The following APAF1 variants were observed in gnomAD, a reference collection of about 807,000 sequenced individuals.
APAF1 encodes the protein apoptotic peptidase activating factor 1, also known as apoptotic protease-activating factor 1.
APAF1 carries 91 observed loss-of-function variants against 152.4 expected under a neutral mutation model. The observed-to-expected ratio is 0.60, with a 90% CI of 0.50 to 0.71. The LOEUF (loss-of-function observed/expected upper bound fraction) is 0.71. Among genes scored for constraint, APAF1 ranks in the 30% least tolerant of loss-of-function variants. The pLI, the probability that APAF1 is intolerant of heterozygous loss-of-function variation, is 0.00. For synonymous variants in APAF1, 484 were observed against 494.1 expected, an observed-to-expected ratio of 0.98 and a Z score of 0.27; for missense variants, 1,283 against 1,472.0, an observed-to-expected ratio of 0.87 and a Z score of 2.10.
At position 98,712,382 on chromosome 12, in the gene APAF1, T is replaced by A; in HGVS notation, c.2905T>A (p.Leu969Ile). ...LTEAQVSCCCLSPHLQYIAFG... is the reference protein window; with the variant it reads ...LTEAQVSCCCISPHLQYIAFG... ...TGAAGCTCAAGTTAGCTGCTGTTGC[T>A]TAAGTCCACATCTTCAGTACATTGC... Residue 969 changes from leucine (L) to isoleucine (I), a missense_variant, in exon 21 of 27, where the codon TTA (leucine) becomes ATA (isoleucine). By Grantham distance (5) the Leu-to-Ile change is conservative. Transcript: ENST00000551964. The A allele has an allele frequency of 6.2e-7, 1 of 1,613,662 alleles. No individual in the cohort carries two copies. The highest frequency in any genetic ancestry group is 8.5e-7 in the Non-Finnish European group (1 of 1,179,630).
intron 9 of APAF1, 118 bp from the exon 10 acceptor site, chr12:98,667,395 C>T (rs1203780017): frequency 2.1e-5 from 26 of 1,240,308 alleles, no homozygotes; most frequent in African/African-American, 7.4e-5. Flanking sequence ...GGATTACAGG[C>T]GTGAGCCACC....
At position 98,671,100 on chromosome 12, in the gene APAF1, C is replaced by A; in HGVS notation, c.1608+14C>A. On this transcript the variant is annotated intron_variant, in intron 11 of 26. Transcript: ENST00000551964. ...CTAGATGAAAAGGTATATATATTAA[C>A]ATGAAAAATTAGTGCTAAAAAGGAA... 1 of 1,464,228 alleles carries A rather than the reference C, an allele frequency of 6.8e-7. No homozygotes were observed. Among genetic ancestry groups the A allele is most frequent in the Non-Finnish European group, 9.5e-7 (1 of 1,047,850 alleles). The allele number at this position is 1,464,228 out of a possible 1,614,324, so 90.7% of individuals were successfully genotyped here.
chr12:98,702,300 C>T lies in APAF1; in HGVS notation c.2467-1071C>T, dbSNP rs569469304. ...CAGGATGGTCTCGATCTCCTGACCT[C>T]GTGATCCACCTGCCTTGGCCTCGCA... On this transcript the variant is annotated intron_variant, in intron 17 of 26. Coordinates refer to ENST00000551964, the MANE Select transcript of APAF1 (RefSeq NM_181861.2). Among the ~76,000 whole-genome samples, 95 of 151,996 alleles carry T rather than the reference C, an allele frequency of 6.3e-4. 1 individual carries two copies. The highest frequency in any genetic ancestry group is 4.6e-4 in the Admixed American group (7 of 15,262).
intron 15 of APAF1, 40 bp downstream of exon 15, chr12:98,683,314 T>G (rs2097694460): frequency 6.2e-7 from 1 of 1,602,058 alleles, no homozygotes; most frequent in Non-Finnish European, 8.5e-7. Context: ...TAAATTTGAT[T>G]CGTACATCAG....
chr12:98,714,540 A>G (rs151175404), intron 21 of APAF1, among the ~76,000 whole-genome samples: 2 of 152,348 alleles, frequency 1.3e-5, no homozygotes, highest in African/African-American at 4.8e-5. Flanking sequence ...TGGCAGAGCT[A>G]GGATTCAAAC....
chr12:98,667,112 AT>A (rs775551448), intron 9 of APAF1, among the ~76,000 whole-genome samples: 313 of 142,054 alleles, frequency 2.2e-3, no homozygotes, highest in Middle Eastern at 3.8e-3. Flanking sequence ...ATATATATGT[AT>A]TTTTTTTTTT....
At chr12:98,678,303 G>A (rs78031307) in intron 13 of APAF1, among the ~76,000 whole-genome samples, 18,333 of 152,282 alleles carry the variant, frequency 0.12, 1,160 homozygotes, top group East Asian at 0.23. Context: ...TGGCAGCGGC[G>A]GGCTGCCTGG....
chr12:98,692,209 A>G lies in APAF1; in HGVS notation c.2304+5336A>G, dbSNP rs548593082. On this transcript the variant is annotated intron_variant, in intron 16 of 26. Coordinates refer to ENST00000551964, the MANE Select transcript of APAF1 (RefSeq NM_181861.2). ...GCCATTCTCCTGCCTCAGCCTCCCT[A>G]GTAGCTGGGAGTACAGGCGCCCGCT... Among the ~76,000 whole-genome samples the G allele has an allele frequency of 2.6e-5, 4 of 152,006 alleles. No homozygotes were observed. The East Asian group carries it at 5.8e-4, about 22-fold the overall frequency.
rs1335879362 is a variant in APAF1 at position 98,677,495 on chromosome 12, TG to T, written c.1865del (p.Cys622SerfsTer9). ...CCACACAGATGCTGTTTACCATGCC[TG>T]CTTTTCTGAGGATGGTCAGAGAATA... ...RPHTDAVYHA[C>X]FSEDGQRIAS... On this transcript the variant is annotated frameshift_variant, in exon 13 of 27. Coordinates refer to ENST00000551964, the MANE Select transcript of APAF1 (RefSeq NM_181861.2). LOFTEE classifies it high-confidence loss of function. The T allele has an allele frequency of 5.6e-6, 9 of 1,614,214 alleles. No homozygotes were observed. The South Asian group carries it at 9.9e-5, about 18-fold the overall frequency.
At chr12:98,679,875 C>G (rs1230134536) in intron 13 of APAF1, among the ~76,000 whole-genome samples, 1 of 152,276 alleles carries the variant, frequency 6.6e-6, no homozygotes, top group Non-Finnish European at 1.5e-5. Context: ...ACACGCCTCG[C>G]TGTTCCACGC....
chr12:98,703,353 C>G lies in APAF1; in HGVS notation c.2467-18C>G, dbSNP rs778457530. On this transcript the variant is annotated intron_variant, in intron 17 of 26. Coordinates refer to ENST00000551964, the MANE Select transcript of APAF1 (RefSeq NM_181861.2). Reference sequence around the variant, plus strand: ...TAAAGTATTTTACCTTCATAGGTATCTCTATTTATGTTGACAGCTTTTTGA... The same window carrying G: ...TAAAGTATTTTACCTTCATAGGTATGTCTATTTATGTTGACAGCTTTTTGA... The G allele has an allele frequency of 1.2e-5, 20 of 1,613,560 alleles. No homozygotes were observed. Among genetic ancestry groups the G allele is most frequent in the Non-Finnish European group, 1.5e-5 (18 of 1,179,692 alleles).
intron 4 of APAF1, among the ~76,000 whole-genome samples, chr12:98,656,713 G>A (rs1249664814): frequency 6.6e-6 from 1 of 152,190 alleles, no homozygotes; most frequent in African/African-American, 2.4e-5. Flanking sequence ...AAACTGGGCA[G>A]TTTCCTGAGT....
chr12:98,656,419 A>T (rs1565857621), intron 4 of APAF1, among the ~76,000 whole-genome samples: 1 of 152,238 alleles, frequency 6.6e-6, no homozygotes, highest in Non-Finnish European at 1.5e-5. Flanking sequence ...TTTAGGAGTA[A>T]GCAGTAGGGC....
chr12:98,663,698 G>A (rs964059985), intron 7 of APAF1, among the ~76,000 whole-genome samples: 4 of 150,884 alleles, frequency 2.7e-5, no homozygotes, highest in Non-Finnish European at 5.9e-5. Context: ...TCACTCTGTC[G>A]TCCAGGCTGG....
chr12:98,714,837 T>TTTTTC, intron 21 of APAF1, among the ~76,000 whole-genome samples: 1 of 151,552 alleles, frequency 6.6e-6, no homozygotes. Flanking sequence ...GAAAGCCTTT[T>TTTTTC]TTTTTCTTTT....
chr12:98,656,029 C>T (rs897934561), intron 4 of APAF1, among the ~76,000 whole-genome samples: 5 of 152,148 alleles, frequency 3.3e-5, no homozygotes, highest in Non-Finnish European at 7.4e-5. Flanking sequence ...GTGATCCGCC[C>T]ACCTCGGCCT....
intron 13 of APAF1, among the ~76,000 whole-genome samples, chr12:98,678,480 G>A (rs1175576854): frequency 6.6e-6 from 1 of 152,218 alleles, no homozygotes; most frequent in Non-Finnish European, 1.5e-5. Flanking sequence ...GTGGACCTGG[G>A]AACCCGCTCC....
intron 15 of APAF1, among the ~76,000 whole-genome samples, chr12:98,684,961 G>C (rs1298929308): frequency 6.6e-6 from 1 of 152,228 alleles, no homozygotes; most frequent in Non-Finnish European, 1.5e-5. Context: ...TTCTTGAGCA[G>C]AGAGAAGCCA....
intron 10 of APAF1, among the ~76,000 whole-genome samples, chr12:98,669,278 A>G (rs1210438649): frequency 1.3e-5 from 2 of 152,138 alleles, no homozygotes; most frequent in Admixed American, 6.5e-5. Context: ...TACTGAGCCA[A>G]TGCATCTTTT....
Sources: gnomAD v4.1 joint callset for allele counts (sites outside exome capture counted in the v4.1 genomes callset) on GRCh38, gnomAD v4.1.1 for gene constraint, MANE v1.5 for transcripts, NCBI Gene and HGNC (gene_info 2026-07-23, HGNC 2026-07-21) for gene names.